Variants in DIS3L observed in about 807,000 individuals in gnomAD.
DIS3L encodes the protein DIS3-like exonuclease 1.
In DIS3L, 100 loss-of-function variants were observed where a neutral mutation model predicts 120.3. The observed-to-expected ratio is 0.83, with a 90% CI of 0.71 to 0.98. DIS3L has a LOEUF of 0.98. Ranked by LOEUF, DIS3L falls within the 50% of genes least tolerant of loss-of-function variation. The probability of loss-of-function intolerance (pLI) is 0.00; values close to 1 mark genes in which losing one functional copy is unlikely to be tolerated. For missense variants in DIS3L, 1,196 were observed against 1,314.2 expected (o/e 0.91, Z 1.39); for synonymous variants, 426 against 470.6 (o/e 0.91, Z 1.23).
intron 9 of DIS3L, among the ~76,000 whole-genome samples, chr15:66,321,063 ACTCT>A (rs1172399524): frequency 6.6e-6 from 1 of 152,056 alleles, no homozygotes; most frequent in Non-Finnish European, 1.5e-5. Flanking sequence ...TGAGCTCCAC[ACTCT>A]CTGTCCAAAT....
intron 2 of DIS3L, among the ~76,000 whole-genome samples, chr15:66,305,642 A>C (rs1368266139): frequency 6.6e-6 from 1 of 152,100 alleles, no homozygotes; most frequent in East Asian, 1.9e-4. Flanking sequence ...CTCCTGCCTC[A>C]GCCTCCCGAG....
At chr15:66,325,271 A>G (rs553192418) in intron 11 of DIS3L, among the ~76,000 whole-genome samples, 35 of 152,224 alleles carry the variant, frequency 2.3e-4, no homozygotes, top group African/African-American at 7.5e-4. Flanking sequence ...GTGCACGCCT[A>G]TAGTCCCAGC....
chr15:66,299,388 CA>C (rs2092623015), intron 2 of DIS3L, among the ~76,000 whole-genome samples: 1 of 151,966 alleles, frequency 6.6e-6, no homozygotes, highest in Non-Finnish European at 1.5e-5. Context: ...TACAAAAATC[CA>C]AAAATTATCT....
intron 2 of DIS3L, among the ~76,000 whole-genome samples, chr15:66,301,006 A>G (rs1248350745): frequency 6.6e-6 from 1 of 152,244 alleles, no homozygotes; most frequent in East Asian, 1.9e-4. Context: ...GATGAAACAC[A>G]TTTAGTACAG....
intron 6 of DIS3L, 44 bp from the exon 7 acceptor site, chr15:66,314,990 CAT>C (rs2092802048): frequency 6.3e-7 from 1 of 1,591,906 alleles, no homozygotes; most frequent in African/African-American, 1.3e-5. Context: ...ACTGGTGTGC[CAT>C]TCCCTTGGCT....
chr15:66,325,775 C>T, intron 11 of DIS3L, 56 bp from the exon 12 acceptor site: 2 of 1,536,004 alleles, frequency 1.3e-6, no homozygotes, highest in Non-Finnish European at 1.7e-6. Flanking sequence ...AAACAAAAAA[C>T]AAAAAAAGCC....
chr15:66,323,826 C>T (rs936340974), intron 11 of DIS3L, among the ~76,000 whole-genome samples: 5 of 152,118 alleles, frequency 3.3e-5, no homozygotes, highest in Non-Finnish European at 5.9e-5. Context: ...TGGGGCTCTG[C>T]GTCTCCCTCT....
intron 11 of DIS3L, 52 bp from the exon 12 acceptor site, chr15:66,325,775 CAAAA>C (rs958726496): frequency 4.6e-5 from 70 of 1,536,004 alleles, no homozygotes; most frequent in Non-Finnish European, 5.9e-5. Flanking sequence ...AAACAAAAAA[CAAAA>C]AAAGCCAGAT....
chr15:66,312,878 TAA>T (rs972996674), intron 5 of DIS3L, among the ~76,000 whole-genome samples: 5 of 152,232 alleles, frequency 3.3e-5, no homozygotes, highest in African/African-American at 9.6e-5. Context: ...AGCCACTCCC[TAA>T]AAGTGTGGGG....
chr15:66,304,201 A>G (rs2092679684), intron 2 of DIS3L, among the ~76,000 whole-genome samples: 1 of 152,030 alleles, frequency 6.6e-6, no homozygotes, highest in Admixed American at 6.6e-5. Context: ...TTGTAATCCC[A>G]ACACTTTGGG....
At chr15:66,317,378 T>A (rs2092830306) in intron 7 of DIS3L, among the ~76,000 whole-genome samples, 3 of 151,926 alleles carry the variant, frequency 2.0e-5, no homozygotes, top group Admixed American at 6.6e-5. Context: ...AAGAGAACAT[T>A]TTTAATTATT....
At chr15:66,321,331 T>C (rs1376133385) in intron 9 of DIS3L, among the ~76,000 whole-genome samples, 2 of 152,230 alleles carry the variant, frequency 1.3e-5, no homozygotes, top group Non-Finnish European at 2.9e-5. Context: ...TCTGCTTCTT[T>C]CACTTAAAAT....
At chr15:66,306,709 TTAAAG>T in intron 2 of DIS3L, 110 bp from the exon 3 acceptor site, 1 of 1,425,826 alleles carries the variant, frequency 7.0e-7, no homozygotes, top group South Asian at 1.3e-5. Context: ...TTCTTCAGGT[TTAAAG>T]TAATCAATCT....
chr15:66,319,522 G>A (rs1409462978), intron 8 of DIS3L, among the ~76,000 whole-genome samples: 2 of 152,170 alleles, frequency 1.3e-5, no homozygotes, highest in Non-Finnish European at 2.9e-5. Flanking sequence ...AAGGAATATA[G>A]CACTGGAGAG....
At chr15:66,294,895 G>A (rs2092568668) in intron 1 of DIS3L, 93 bp from the exon 2 acceptor site, 1 of 1,300,376 alleles carries the variant, frequency 7.7e-7, no homozygotes, top group Non-Finnish European at 1.0e-6. Flanking sequence ...AGTTAAGACT[G>A]GAAGTTATTT....
intron 2 of DIS3L, among the ~76,000 whole-genome samples, chr15:66,298,020 A>T (rs2092606900): frequency 6.6e-6 from 1 of 152,100 alleles, no homozygotes; most frequent in African/African-American, 2.4e-5. Flanking sequence ...TCACTACTAA[A>T]GATACAAAAT....
At chr15:66,314,865 G>C (rs1231879800) in intron 6 of DIS3L, 171 bp from the exon 7 acceptor site, 2 of 608,128 alleles carry the variant, frequency 3.3e-6, no homozygotes, top group Admixed American at 3.0e-5. Flanking sequence ...CATGGTGCCA[G>C]CAATTCTTCA....
chr15:66,309,094 A>AAAAAAAAAAAT lies in DIS3L; in HGVS notation c.558+251_558+252insAAAAAAAAATA. 3.9e-4 allele frequency among the ~76,000 whole-genome samples: 6 copies of AAAAAAAAAAAT among 15,320 alleles called. 3 individuals carry two copies. Among genetic ancestry groups the AAAAAAAAAAAT allele is most frequent in the South Asian group, 0.017 (2 of 118 alleles). The allele number at this position is 15,320 out of a possible 152,430, so 10.1% of individuals were successfully genotyped here. A position where few individuals can be genotyped will look rare whatever the true frequency, so the allele number is the denominator to read the frequency against. On this transcript the variant is annotated intron_variant, in intron 4 of 16. Coordinates refer to ENST00000319212, the MANE Select transcript of DIS3L (RefSeq NM_001143688.3). The stretch of plus-strand genomic sequence containing the variant: ...CTTGTCTCTACAGAAAAAAAAAAAA[A>AAAAAAAAAAAT]ATATATATATCTCCAAGCATGGTGG...
chr15:66,325,044 C>T (rs1460832495), intron 11 of DIS3L, among the ~76,000 whole-genome samples: 1 of 152,136 alleles, frequency 6.6e-6, no homozygotes, highest in Non-Finnish European at 1.5e-5. Flanking sequence ...AGACTTTGCT[C>T]TAATTTACTG....
Sources: allele counts gnomAD v4.1 joint callset (sites outside exome capture counted in the v4.1 genomes callset), GRCh38; gene constraint gnomAD v4.1.1; transcripts MANE v1.5; gene names NCBI Gene and HGNC (gene_info 2026-07-23, HGNC 2026-07-21).